Variants in MAP3K7CL observed in about 807,000 individuals in gnomAD.
MAP3K7CL encodes MAP3K7 C-terminal-like protein.
A neutral mutation model predicts 18.6 loss-of-function variants in MAP3K7CL; 16 were observed. The ratio of observed to expected loss-of-function variants is 0.86; its 90% confidence interval spans 0.58 to 1.31. The LOEUF (loss-of-function observed/expected upper bound fraction) is 1.31, where lower values mean the gene tolerates loss of function less well. Ranked by LOEUF, MAP3K7CL falls within the 50% of genes most tolerant of loss-of-function variation. The pLI, the probability that MAP3K7CL is intolerant of heterozygous loss-of-function variation, is 0.00. For synonymous variants in MAP3K7CL, 65 were observed against 66.8 expected (o/e 0.97, Z 0.13); for missense variants, 163 against 174.4 (o/e 0.93, Z 0.37).
intron 2 of MAP3K7CL, among the ~76,000 whole-genome samples, chr21:29,147,062 T>C (rs923340035): frequency 6.6e-6 from 1 of 152,216 alleles, no homozygotes; most frequent in South Asian, 2.1e-4. Flanking sequence ...AATTTGGTGA[T>C]GACTATGAAA....
At chr21:29,117,907 T>G (rs2146579223) in intron 4 of MAP3K7CL, among the ~76,000 whole-genome samples, 1 of 152,148 alleles carries the variant, frequency 6.6e-6, no homozygotes. Context: ...ATTCTGTTCT[T>G]TTCTTGACGA....
At chr21:29,085,686 A>T, upstream of MAP3K7CL, 4 of 562,900 alleles carry the variant, frequency 7.1e-6, no homozygotes, top group Admixed American at 2.9e-5. Context: ...GTTCTCCCCA[A>T]TATTGTATGT....
At chr21:29,170,939 C>CTT (rs367616302) in intron 4 of MAP3K7CL, among the ~76,000 whole-genome samples, 1 of 143,346 alleles carries the variant, frequency 7.0e-6, no homozygotes. Context: ...GTGCCTGCCT[C>CTT]TTTTTTTTTT....
chr21:29,162,228 C>G (rs1039616076), intron 4 of MAP3K7CL, among the ~76,000 whole-genome samples: 1 of 151,714 alleles, frequency 6.6e-6, no homozygotes, highest in African/African-American at 2.4e-5. Context: ...TAGAAAAATC[C>G]TCAGTAATTA....
intron 4 of MAP3K7CL, among the ~76,000 whole-genome samples, chr21:29,114,728 A>T (rs2086476930): frequency 6.6e-6 from 1 of 152,222 alleles, no homozygotes; most frequent in Admixed American, 6.5e-5. Flanking sequence ...ATAGATGGAA[A>T]CCTAAATGAC....
chr21:29,160,421 A>C (rs1466152043), intron 4 of MAP3K7CL, among the ~76,000 whole-genome samples: 2 of 152,258 alleles, frequency 1.3e-5, no homozygotes, highest in Non-Finnish European at 2.9e-5. Context: ...TCACGTGAAG[A>C]AGCCACTGGG....
At chr21:29,129,543 T>C (rs1030133379), upstream of MAP3K7CL, among the ~76,000 whole-genome samples, 2 of 152,252 alleles carry the variant, frequency 1.3e-5, no homozygotes, top group African/African-American at 4.8e-5. Flanking sequence ...CTGAATGATA[T>C]TCCATTGTCA....
intron 2 of MAP3K7CL, among the ~76,000 whole-genome samples, chr21:29,141,216 A>T (rs2086999496): frequency 6.6e-6 from 1 of 152,184 alleles, no homozygotes; most frequent in African/African-American, 2.4e-5. Flanking sequence ...GTTTCCAAGA[A>T]ACATAAAATT....
chr21:29,130,465 G>A (rs1317111044), upstream of MAP3K7CL: 14 of 405,054 alleles, frequency 3.5e-5, no homozygotes, highest in Non-Finnish European at 4.3e-5. Context: ...TGCTGGAATA[G>A]ACACAGACAC....
intron 2 of MAP3K7CL, among the ~76,000 whole-genome samples, chr21:29,143,683 A>G (rs1443631423): frequency 1.3e-5 from 2 of 152,102 alleles, no homozygotes; most frequent in East Asian, 1.9e-4. Context: ...TCGGCCTCCC[A>G]AAGTGCTGGT....
At chr21:29,149,282 C>T (rs377546025) in intron 3 of MAP3K7CL, 32 bp downstream of exon 3, 52 of 1,588,514 alleles carry the variant, frequency 3.3e-5, no homozygotes, top group South Asian at 4.4e-5. Context: ...CTCTTCTTTC[C>T]TCCTTAGTGT....
intron 4 of MAP3K7CL, among the ~76,000 whole-genome samples, chr21:29,110,377 T>A (rs757846476): frequency 2.0e-5 from 3 of 152,056 alleles, no homozygotes; most frequent in African/African-American, 4.8e-5. Context: ...CTTATCATCC[T>A]GTTGCTCCGT....
intron 3 of MAP3K7CL, among the ~76,000 whole-genome samples, chr21:29,159,095 A>G (rs573262434): frequency 7.1e-4 from 108 of 152,166 alleles, no homozygotes; most frequent in African/African-American, 2.4e-3. Context: ...AAATTTTTGT[A>G]TTTTTAGTAG....
At chr21:29,167,538 GTTT>G (rs11295373) in intron 4 of MAP3K7CL, among the ~76,000 whole-genome samples, 1 of 150,266 alleles carries the variant, frequency 6.7e-6, no homozygotes, top group Admixed American at 6.6e-5. Context: ...GAGATTTTAA[GTTT>G]TTTTTTTTAT....
chr21:29,150,304 T>A (rs193143364), intron 3 of MAP3K7CL, among the ~76,000 whole-genome samples: 24 of 152,308 alleles, frequency 1.6e-4, no homozygotes, highest in African/African-American at 5.8e-4. Flanking sequence ...TGCAGAGCAC[T>A]GTGTTAAAAA....
At chr21:29,160,103 G>C in intron 4 of MAP3K7CL, 47 bp downstream of exon 4, 1 of 1,500,770 alleles carries the variant, frequency 6.7e-7, no homozygotes, top group Non-Finnish European at 9.3e-7. Flanking sequence ...TGCCTACTGG[G>C]CAAGGACCAG....
At chr21:29,129,280 A>G (rs909164118), upstream of MAP3K7CL, among the ~76,000 whole-genome samples, 1 of 152,228 alleles carries the variant, frequency 6.6e-6, no homozygotes, top group Non-Finnish European at 1.5e-5. Flanking sequence ...CTACCATTAC[A>G]GTCTCATATA....
intron 2 of MAP3K7CL, among the ~76,000 whole-genome samples, chr21:29,147,166 GT>G (rs1413519175): frequency 6.6e-6 from 1 of 152,026 alleles, no homozygotes; most frequent in African/African-American, 2.4e-5. Context: ...CATACATACT[GT>G]ATATGCATAG....
At chr21:29,105,629 G>A (rs904193840) in intron 4 of MAP3K7CL, among the ~76,000 whole-genome samples, 2 of 152,160 alleles carry the variant, frequency 1.3e-5, no homozygotes, top group East Asian at 1.9e-4. Flanking sequence ...GAGGCACAGG[G>A]CCATGAAACC....
Sources: allele counts gnomAD v4.1 joint callset (sites outside exome capture counted in the v4.1 genomes callset), GRCh38; gene constraint gnomAD v4.1.1; transcripts MANE v1.5; gene names NCBI Gene and HGNC (gene_info 2026-07-23, HGNC 2026-07-21).